Variants in YTHDF1 observed in about 807,000 individuals in gnomAD.
YTHDF1 encodes the protein YTH N6-methyladenosine RNA binding protein F1.
A neutral mutation model predicts 49.1 loss-of-function variants in YTHDF1; 16 were observed. That is an observed-to-expected ratio of 0.33 (90% CI 0.22 to 0.49). YTHDF1 has a LOEUF of 0.49. YTHDF1 is among the 20% of genes least tolerant of loss of function. YTHDF1 has a pLI of 0.99. For synonymous variants in YTHDF1, 313 were observed against 290.1 expected (o/e 1.08, Z -0.80); for missense variants, 621 against 744.3 (o/e 0.83, Z 1.93).
rs750197222 is a variant in YTHDF1, at chr20:63,213,911, C to T, written c.85G>A (p.Val29Ile). Residue 29 changes from valine to isoleucine, a missense_variant, in exon 3 of 5, where the codon GTT becomes ATT. By Grantham distance (29) the Val-to-Ile change is conservative. Transcript: ENST00000370339. ...QNGSLHQKDT[V>I]HDNDFEPYLT... is the part of the protein sequence containing the mutation. ...TAGGGCTCAAAGTCATTGTCATGAA[C>T]TGTATCCTTCTGATGTAACGAACCA... 1 of 1,571,206 alleles carries T rather than the reference C, an allele frequency of 6.4e-7. No homozygotes were observed. Among genetic ancestry groups the T allele is most frequent in the South Asian group, 1.2e-5 (1 of 84,260 alleles).
At chr20:63,208,928 G>A (rs925305049) in intron 3 of YTHDF1, among the ~76,000 whole-genome samples, 4 of 152,192 alleles carry the variant, frequency 2.6e-5, no homozygotes, top group Non-Finnish European at 5.9e-5. Context: ...TGTGATCAGT[G>A]TCCTCACACA....
chr20:63,200,846 T>C (rs1006478857), intron 4 of YTHDF1, among the ~76,000 whole-genome samples: 2 of 152,160 alleles, frequency 1.3e-5, no homozygotes, highest in Admixed American at 1.3e-4. Flanking sequence ...TAAAGCTTCA[T>C]TAGCAATTAT....
At position 63,216,094 on chromosome 20, in the gene YTHDF1, G is replaced by C. The variant is rs2066601512; in HGVS notation, c.-202C>G. On this transcript the variant is annotated 5_prime_UTR_variant, in exon 1 of 5. Coordinates refer to ENST00000370339, the MANE Select transcript of YTHDF1 (RefSeq NM_017798.4). ...GGTGAGCCCGGGACGCGGACGCACT[G>C]AGGAGGCGTCGACTCCAATGGCGGC... The C allele has an allele frequency of 9.0e-6, 2 of 221,746 alleles. No homozygotes were observed. Among genetic ancestry groups the C allele is most frequent in the Admixed American group, 6.6e-5 (1 of 15,108 alleles). The allele number at this position is 221,746 out of a possible 1,614,324, so 13.7% of individuals were successfully genotyped here.
intron 3 of YTHDF1, among the ~76,000 whole-genome samples, chr20:63,213,354 C>T (rs1332227282): frequency 1.3e-5 from 2 of 152,218 alleles, no homozygotes; most frequent in Admixed American, 1.3e-4. Context: ...AATGCTTGAA[C>T]CCGGGAGGCA....
intron 3 of YTHDF1, among the ~76,000 whole-genome samples, chr20:63,205,109 A>T (rs530105359): frequency 6.6e-6 from 1 of 152,190 alleles, no homozygotes; most frequent in East Asian, 1.9e-4. Context: ...TCCCCCAAGT[A>T]ACCAGAAGGT....
rs560883876 is a variant in YTHDF1, at chr20:63,203,312, C to T, written c.628G>A (p.Val210Met). The change falls in exon 4 of 5, where the codon GTG (valine) becomes ATG (methionine). Residue 210 changes from valine to methionine, a missense_variant. Transcript: ENST00000370339. The surrounding 1 kb of genome is among the most constrained non-coding windows in gnomAD (Gnocchi z 4.4). Reference protein sequence around the residue: ...VKTVGSVVSSVALTGVLSGNG... With the variant: ...VKTVGSVVSSMALTGVLSGNG... The stretch of plus-strand genomic sequence containing the variant: ...CCAGAAAGGACACCAGTCAGTGCCA[C>T]GCTGCTGACGACAGAGCCCACCGTC... 9.9e-6 allele frequency: 16 copies of T among 1,613,638 alleles called. No homozygotes were observed. Among genetic ancestry groups the T allele is most frequent in the South Asian group, 2.2e-5 (2 of 91,086 alleles).
chr20:63,203,025 G>C lies in YTHDF1; in HGVS notation c.915C>G (p.Leu305=). ...APQPQQVAQP[L]PAQPPALAQP... The stretch of plus-strand genomic sequence containing the variant: ...GAGCCAAAGCTGGGGGCTGTGCTGG[G>C]AGAGGCTGAGCCACCTGCTGGGGCT... The change falls in exon 4 of 5, where the codon CTC becomes CTG. Residue 305 remains leucine, a synonymous_variant. Coordinates refer to ENST00000370339, the MANE Select transcript of YTHDF1 (RefSeq NM_017798.4). This position sits in a 1 kb window ranked among gnomAD's most constrained non-coding sequence, Gnocchi z 4.4. 2.5e-6 allele frequency: 4 copies of C among 1,609,312 alleles called. No individual in the cohort carries two copies. The highest frequency in any genetic ancestry group is 3.4e-6 in the Non-Finnish European group (4 of 1,177,332).
intron 4 of YTHDF1, among the ~76,000 whole-genome samples, chr20:63,201,678 A>AC (rs1419276619): frequency 1.3e-5 from 2 of 152,144 alleles, no homozygotes; most frequent in Non-Finnish European, 2.9e-5. Context: ...AACCTACCCC[A>AC]CCACCACCAT....
At chr20:63,210,931 G>A (rs964303665) in intron 3 of YTHDF1, among the ~76,000 whole-genome samples, 24 of 152,198 alleles carry the variant, frequency 1.6e-4, no homozygotes, top group African/African-American at 5.5e-4. Flanking sequence ...AGCGCCTCAG[G>A]GGCAACTAGG....
At chr20:63,200,792 C>T (rs978487527) in intron 4 of YTHDF1, among the ~76,000 whole-genome samples, 6 of 152,178 alleles carry the variant, frequency 3.9e-5, no homozygotes, top group Admixed American at 2.0e-4. Flanking sequence ...AAACTGTGCG[C>T]GCACACACAC....
intron 3 of YTHDF1, among the ~76,000 whole-genome samples, chr20:63,206,201 C>T (rs1323459359): frequency 1.3e-5 from 2 of 152,234 alleles, no homozygotes; most frequent in Non-Finnish European, 1.5e-5. Context: ...ACACATCTTC[C>T]TTCCACGCAA....
chr20:63,196,231 A>G lies in YTHDF1; in HGVS notation c.*477T>C, dbSNP rs2066492008. The stretch of plus-strand genomic sequence containing the variant: ...GCACTTTAGACCGATAACAGATAAT[A>G]AAATGACAAATCAGAATGAACAAAA... On this transcript the variant is annotated 3_prime_UTR_variant, in exon 5 of 5. Coordinates refer to ENST00000370339, the MANE Select transcript of YTHDF1 (RefSeq NM_017798.4). 6.6e-6 allele frequency: 1 copy of G among 152,614 alleles called. No individual in the cohort carries two copies. Among genetic ancestry groups the G allele is most frequent in the Non-Finnish European group, 1.5e-5 (1 of 68,336 alleles). 9.5% of individuals were successfully genotyped at this position (152,614 alleles called of 1,614,324 possible). A position where few individuals can be genotyped will look rare whatever the true frequency, so the allele number is the denominator to read the frequency against.
rs1192734948 is a variant in YTHDF1 at position 63,215,839 on chromosome 20, G to A, written c.27+27C>T. 17 of 1,456,226 alleles carry A rather than the reference G, an allele frequency of 1.2e-5. 1 individual carries two copies. Among genetic ancestry groups the A allele is most frequent in the Non-Finnish European group, 1.5e-5 (17 of 1,105,710 alleles). 90.2% of individuals were successfully genotyped at this position (1,456,226 alleles called of 1,614,324 possible). A position where few individuals can be genotyped will look rare whatever the true frequency, so the allele number is the denominator to read the frequency against. The stretch of plus-strand genomic sequence containing the variant: ...CAGACCCCGCGCCTCGGCCCCGGCC[G>A]CGGCCCCTGTAACCCGGCCCCGCTA... On this transcript the variant is annotated intron_variant, in intron 1 of 4. Coordinates refer to ENST00000370339, the MANE Select transcript of YTHDF1 (RefSeq NM_017798.4).
chr20:63,213,059 ACT>A (rs969160534), intron 3 of YTHDF1, among the ~76,000 whole-genome samples: 5 of 151,988 alleles, frequency 3.3e-5, no homozygotes, highest in Admixed American at 2.0e-4. Flanking sequence ...AACAGTTACT[ACT>A]CTCTCTCTTC....
At chr20:63,208,235 G>C (rs1480049144) in intron 3 of YTHDF1, among the ~76,000 whole-genome samples, 1 of 152,118 alleles carries the variant, frequency 6.6e-6, no homozygotes, top group African/African-American at 2.4e-5. Context: ...ACAGAGAGAA[G>C]CATTTGCTTA....
At chr20:63,215,719 GCGGTCACGTGCGACCC>G (rs2066598942) in intron 1 of YTHDF1, 118 bp from the exon 2 acceptor site, 2 of 1,394,238 alleles carry the variant, frequency 1.4e-6, no homozygotes, top group Non-Finnish European at 1.9e-6. Context: ...GCCCCGACGC[GCGGTCACGTGCGACCC>G]CGGCCCCGAG....
At chr20:63,209,400 A>AT (rs1217768270) in intron 3 of YTHDF1, among the ~76,000 whole-genome samples, 1 of 152,154 alleles carries the variant, frequency 6.6e-6, no homozygotes, top group Non-Finnish European at 1.5e-5. Context: ...CTGTACAAAA[A>AT]TTTTTTTTGT....
At chr20:63,200,269 GA>G (rs1214555513) in intron 4 of YTHDF1, among the ~76,000 whole-genome samples, 1 of 151,820 alleles carries the variant, frequency 6.6e-6, no homozygotes, top group Non-Finnish European at 1.5e-5. Flanking sequence ...GCTGAGGCAG[GA>G]AAATGGCCTG....
chr20:63,213,970 C>A, intron 2 of YTHDF1, 27 bp from the exon 3 acceptor site: 2 of 1,564,708 alleles, frequency 1.3e-6, no homozygotes, highest in East Asian at 2.3e-5. Flanking sequence ...CAAAATATTA[C>A]CCTCAAATTT....
Sources: gnomAD v4.1 joint callset for allele counts (sites outside exome capture counted in the v4.1 genomes callset) on GRCh38, gnomAD v4.1.1 for gene constraint, Gnocchi (gnomAD v3.1) non-coding constraint, MANE v1.5 for transcripts, NCBI Gene and HGNC (gene_info 2026-07-23, HGNC 2026-07-21) for gene names.